ITCH: variants seen among roughly 807,000 people sequenced by gnomAD.
The protein encoded by ITCH is itchy E3 ubiquitin protein ligase.
In ITCH, 28 loss-of-function variants were observed where a neutral mutation model predicts 126.8. The ratio of observed to expected loss-of-function variants is 0.22; its 90% CI spans 0.16 to 0.30. The LOEUF (loss-of-function observed/expected upper bound fraction) is 0.30. Among genes scored for constraint, ITCH ranks in the 10% least tolerant of loss-of-function variants. The pLI is 1.00. For missense variants in ITCH, 631 were observed against 1,032.4 expected, an observed-to-expected ratio of 0.61 and a Z score of 5.33; for synonymous variants, 342 against 340.0, an observed-to-expected ratio of 1.01 and a Z score of -0.06.
At chr20:34,372,388 T>TTC (rs1351139690) in intron 2 of ITCH, among the ~76,000 whole-genome samples, 2 of 130,226 alleles carry the variant, frequency 1.5e-5, no homozygotes, top group East Asian at 4.6e-4. Flanking sequence ...GTTCTACTTT[T>TTC]TTTTTTTTTT....
In ITCH at chr20:34,389,721, G is replaced by T. The variant is rs376092556; in HGVS notation, c.-21-4070G>T. Among the ~76,000 whole-genome samples the T allele has an allele frequency of 2.5e-3, 384 of 152,258 alleles. 1 individual carries two copies. The highest frequency in any genetic ancestry group is 4.6e-3 in the Non-Finnish European group (310 of 68,018). On this transcript the variant is annotated intron_variant, in intron 2 of 24. Transcript: ENST00000374864. The stretch of plus-strand genomic sequence containing the variant: ...ATCCCTTTAGGGTAATGTGCAGGTG[G>T]TCATGTTTCAGACTTTATTACTCAA...
chr20:34,470,425 T>C (rs1360519118), intron 15 of ITCH, among the ~76,000 whole-genome samples: 1 of 150,536 alleles, frequency 6.6e-6, no homozygotes, highest in East Asian at 1.9e-4. Flanking sequence ...TCTGTAAATA[T>C]ATATATATAT....
chr20:34,470,543 A>C (rs1018945677), intron 15 of ITCH, among the ~76,000 whole-genome samples: 9 of 152,108 alleles, frequency 5.9e-5, no homozygotes, highest in African/African-American at 2.2e-4. Flanking sequence ...GGAATCTTCA[A>C]ATGTAAGTAA....
chr20:34,445,737 T>A (rs1984378228), intron 11 of ITCH, among the ~76,000 whole-genome samples: 1 of 151,624 alleles, frequency 6.6e-6, no homozygotes, highest in Non-Finnish European at 1.5e-5. Flanking sequence ...AACAAAAGAG[T>A]AGTAAAAATA....
chr20:34,417,224 G>A (rs555052742), intron 6 of ITCH: 5 of 655,386 alleles, frequency 7.6e-6, no homozygotes, highest in South Asian at 1.6e-5. Context: ...AGCCTCCCGA[G>A]TAGCTGGGTT....
chr20:34,372,075 G>A (rs1601736889), intron 2 of ITCH, among the ~76,000 whole-genome samples: 4 of 152,122 alleles, frequency 2.6e-5, no homozygotes, highest in Admixed American at 2.6e-4. Context: ...GGGAGGCTGA[G>A]GCGGGCGGAT....
At chr20:34,495,294 A>ATAAAATAT (rs1555885663) in intron 23 of ITCH, among the ~76,000 whole-genome samples, 5 of 120,528 alleles carry the variant, frequency 4.1e-5, no homozygotes, top group African/African-American at 6.3e-5. Context: ...AAATAAATAA[A>ATAAAATAT]ATATATATAT....
intron 2 of ITCH, among the ~76,000 whole-genome samples, chr20:34,387,559 T>TC (rs2038330291): frequency 6.7e-6 from 1 of 148,588 alleles, no homozygotes; most frequent in Non-Finnish European, 1.5e-5. Context: ...TCAGCCCAGG[T>TC]GGTTGAGGCT....
At chr20:34,442,107 C>T in intron 9 of ITCH, 101 bp from the exon 10 acceptor site, 1 of 814,228 alleles carries the variant, frequency 1.2e-6, no homozygotes, top group Non-Finnish European at 2.2e-6. Flanking sequence ...CCTTATTTGC[C>T]TTAGTTCAAT....
At chr20:34,476,347 G>A (rs572245524) in intron 16 of ITCH, 65 of 1,319,700 alleles carry the variant, frequency 4.9e-5, no homozygotes, top group South Asian at 4.2e-4. Flanking sequence ...GCTCCGGCCC[G>A]GTCCCCGGCT....
In ITCH at chr20:34,477,760, AT is replaced by A. The variant is rs759646195; in HGVS notation, c.1570-3del. ...CTTTTTTCACCAATTATTTTACTTT[AT>A]TTTTTTTTAGATAATGAGCTTCAGT... On this transcript the variant is annotated splice_polypyrimidine_tract_variant and intron_variant, in intron 16 of 24. Coordinates refer to ENST00000374864, the MANE Select transcript of ITCH (RefSeq NM_031483.7). 6.4e-4 allele frequency: 1,017 copies of A among 1,585,564 alleles called. No individual in the cohort carries two copies. Among genetic ancestry groups the A allele is most frequent in the Non-Finnish European group, 8.3e-4 (955 of 1,157,520 alleles).
At chr20:34,401,299 C>T (rs901311200) in intron 3 of ITCH, among the ~76,000 whole-genome samples, 1 of 151,406 alleles carries the variant, frequency 6.6e-6, no homozygotes, top group Non-Finnish European at 1.5e-5. Flanking sequence ...TTTTTTTGAC[C>T]GGGAAATTTT....
At chr20:34,475,710 A>G (rs1988149466) in intron 16 of ITCH, among the ~76,000 whole-genome samples, 1 of 142,322 alleles carries the variant, frequency 7.0e-6, no homozygotes, top group African/African-American at 2.5e-5. Flanking sequence ...GGGCAGGGGC[A>G]GGGGCAGGGG....
intron 3 of ITCH, among the ~76,000 whole-genome samples, chr20:34,403,642 A>G (rs1218740212): frequency 6.6e-6 from 1 of 152,144 alleles, no homozygotes; most frequent in Non-Finnish European, 1.5e-5. Flanking sequence ...ATGAGTAAAA[A>G]CTAGTAAGAC....
intron 10 of ITCH, 37 bp from the exon 11 acceptor site, chr20:34,445,250 G>A (rs765298311): frequency 3.2e-6 from 5 of 1,545,212 alleles, no homozygotes; most frequent in Non-Finnish European, 4.4e-6. Flanking sequence ...AGTATTTGTT[G>A]AATTAGCTTG....
intron 3 of ITCH, among the ~76,000 whole-genome samples, chr20:34,399,319 G>A (rs2038788207): frequency 6.6e-6 from 1 of 151,972 alleles, no homozygotes; most frequent in Non-Finnish European, 1.5e-5. Context: ...TTGAACCCGG[G>A]AGGCGGAGAT....
chr20:34,450,459 A>G (rs1227309844), intron 12 of ITCH, among the ~76,000 whole-genome samples: 1 of 152,168 alleles, frequency 6.6e-6, no homozygotes, highest in African/African-American at 2.4e-5. Context: ...TATTGAGTAT[A>G]TCTGATACCT....
Position 34,427,750 on chromosome 20 carries a change from A to C in ITCH, c.521+3225A>C, listed in dbSNP as rs563836343. 7.2e-5 allele frequency among the ~76,000 whole-genome samples: 11 copies of C among 152,236 alleles called. No individual in the cohort carries two copies. In the East Asian group the frequency reaches 2.1e-3, roughly 29 times the overall value. On this transcript the variant is annotated intron_variant, in intron 7 of 24. Transcript: ENST00000374864. ...TTGAATTCCTGAAAGTTCCCGCATA[A>C]AATGTTTTAGTATTTCAGTTTGCTT...
intron 24 of ITCH, among the ~76,000 whole-genome samples, chr20:34,505,524 T>A (rs1990566286): frequency 6.6e-6 from 1 of 151,990 alleles, no homozygotes; most frequent in Non-Finnish European, 1.5e-5. Flanking sequence ...GTTCTGGACA[T>A]TTCATATAAA....
Sources: gnomAD v4.1 joint callset for allele counts (sites outside exome capture counted in the v4.1 genomes callset) on GRCh38, gnomAD v4.1.1 for gene constraint, MANE v1.5 for transcripts, NCBI Gene and HGNC (gene_info 2026-07-23, HGNC 2026-07-21) for gene names.